The following PARD3B variants were observed in gnomAD, a reference collection of about 807,000 sequenced individuals.
PARD3B encodes the protein par-3 family cell polarity regulator beta.
In PARD3B, 103 loss-of-function variants were observed where a neutral mutation model predicts 130.2. The observed-to-expected ratio is 0.79, with a 90% confidence interval of 0.67 to 0.93. PARD3B has a LOEUF of 0.93. Among genes scored for constraint, PARD3B ranks in the 40% least tolerant of loss-of-function variants. PARD3B has a pLI of 0.00. For synonymous variants in PARD3B, 583 were observed against 553.2 expected, an observed-to-expected ratio of 1.05 and a Z score of -0.76; for missense variants, 1,609 against 1,499.2, an observed-to-expected ratio of 1.07 and a Z score of -1.21.
intron 20 of PARD3B, among the ~76,000 whole-genome samples, chr2:205,476,785 C>G (rs2106275070): frequency 6.6e-6 from 1 of 152,272 alleles, no homozygotes; most frequent in African/African-American, 2.4e-5. Context: ...GTGTTAATCA[C>G]TTATTAACAG....
chr2:205,300,890 C>T lies in PARD3B; in HGVS notation c.2392+154C>T, dbSNP rs1389832501. 6.6e-6 allele frequency among the ~76,000 whole-genome samples: 1 copy of T among 152,134 alleles called. No homozygotes were observed. The highest frequency in any genetic ancestry group is 6.5e-5 in the Admixed American group (1 of 15,270). ...TAATTCATTTTCCTGATATGTTTTG[C>T]CCTTTGGCTTAATGAACATGGAATT... On this transcript the variant is annotated intron_variant, in intron 17 of 22. Coordinates refer to ENST00000406610, the MANE Select transcript of PARD3B (RefSeq NM_001302769.2). The surrounding 1 kb of genome is among the most constrained non-coding windows in gnomAD (Gnocchi z 4.1).
chr2:205,278,684 A>G (rs533750410), intron 16 of PARD3B, among the ~76,000 whole-genome samples: 1 of 152,294 alleles, frequency 6.6e-6, no homozygotes, highest in South Asian at 2.1e-4. Flanking sequence ...GTCTTCCATA[A>G]TAGAATGAAA....
intron 20 of PARD3B, among the ~76,000 whole-genome samples, chr2:205,483,971 C>A (rs1347228846): frequency 2.0e-5 from 3 of 152,064 alleles, no homozygotes; most frequent in African/African-American, 7.2e-5. Flanking sequence ...TCCACATGTT[C>A]CTCGCCTGTA....
chr2:205,110,737 C>G (rs1016246080), intron 5 of PARD3B, among the ~76,000 whole-genome samples: 1 of 150,386 alleles, frequency 6.6e-6, no homozygotes, highest in Admixed American at 6.7e-5. Context: ...AACCAACCTT[C>G]TAGCTTATTT....
chr2:205,099,677 A>C (rs1702619011), intron 4 of PARD3B, among the ~76,000 whole-genome samples: 1 of 152,156 alleles, frequency 6.6e-6, no homozygotes, highest in African/African-American at 2.4e-5. Flanking sequence ...AGTGTTGCTG[A>C]AGTCAATTTG....
intron 2 of PARD3B, among the ~76,000 whole-genome samples, chr2:204,782,091 G>A (rs964112197): frequency 5.9e-5 from 9 of 152,068 alleles, no homozygotes; most frequent in Non-Finnish European, 1.3e-4. Context: ...TCTGTGAGCT[G>A]AGAGCGTGTT....
rs1328954916 is a variant in PARD3B at position 204,887,182 on chromosome 2, T to G, written c.223-77970T>G. On this transcript the variant is annotated intron_variant, in intron 2 of 22. Coordinates refer to ENST00000406610, the MANE Select transcript of PARD3B (RefSeq NM_001302769.2). This position sits in a 1 kb window ranked among gnomAD's most constrained non-coding sequence, Gnocchi z 4.2. ...ATGAATGGTAATGGGATTATATTAC[T>G]GTAATTCATTTATTAAAGGAGTATT... is the stretch of plus-strand genomic sequence containing the variant. Among the ~76,000 whole-genome samples, 3 of 152,226 alleles carry G rather than the reference T, an allele frequency of 2.0e-5. No individual in the cohort carries two copies. The highest frequency in any genetic ancestry group is 7.2e-5 in the African/African-American group (3 of 41,452).
Position 205,106,168 on chromosome 2 carries a change from A to T in PARD3B, c.593+1654A>T, listed in dbSNP as rs142131396. ...TTATTTATTTTATTTTTATTTTGAG[A>T]TGGAGTTTTGCTCTTGTTACCCAGG... On this transcript the variant is annotated intron_variant, in intron 5 of 22. Coordinates refer to ENST00000406610, the MANE Select transcript of PARD3B (RefSeq NM_001302769.2). Among the ~76,000 whole-genome samples, 649 of 151,900 alleles carry T rather than the reference A, an allele frequency of 4.3e-3. 7 individuals carry two copies. Among genetic ancestry groups the T allele is most frequent in the African/African-American group, 0.015 (624 of 41,458 alleles).
chr2:204,588,447 A>G (rs79380120), intron 1 of PARD3B, among the ~76,000 whole-genome samples: 4,456 of 152,264 alleles, frequency 0.029, 99 homozygotes, highest in Admixed American at 0.056. Flanking sequence ...TTAATGCTGG[A>G]TTTTTACCTT....
At chr2:205,234,510 A>G (rs1363466160) in intron 15 of PARD3B, among the ~76,000 whole-genome samples, 1 of 152,216 alleles carries the variant, frequency 6.6e-6, no homozygotes, top group African/African-American at 2.4e-5. Context: ...CTAAATGCTT[A>G]TGCACCTAAT....
rs2053254363 is a variant in PARD3B at position 205,564,592 on chromosome 2, T to C, written c.3260+11189T>C. Among the ~76,000 whole-genome samples, 1 of 152,160 alleles carries C rather than the reference T, an allele frequency of 6.6e-6. No individual in the cohort carries two copies. Among genetic ancestry groups the C allele is most frequent in the East Asian group, 1.9e-4 (1 of 5,186 alleles). On this transcript the variant is annotated intron_variant, in intron 22 of 22. Coordinates refer to ENST00000406610, the MANE Select transcript of PARD3B (RefSeq NM_001302769.2). This position sits in a 1 kb window ranked among gnomAD's most constrained non-coding sequence, Gnocchi z 4.6. ...CTGGCACATCCTTAGGGGACATGGC[T>C]GAGACGCAAATGCCAGACAACTGCG...
At chr2:204,740,333 T>C (rs2039955989) in intron 2 of PARD3B, among the ~76,000 whole-genome samples, 1 of 152,228 alleles carries the variant, frequency 6.6e-6, no homozygotes, top group African/African-American at 2.4e-5. Flanking sequence ...ACTTTAATTC[T>C]TTACATCTTC....
chr2:205,433,000 A>G (rs1036143391), intron 19 of PARD3B, among the ~76,000 whole-genome samples: 1 of 152,194 alleles, frequency 6.6e-6, no homozygotes, highest in Non-Finnish European at 1.5e-5. Flanking sequence ...TTCATCATTC[A>G]AAAAATTTTG....
chr2:205,533,201 A>C (rs1230731375), intron 21 of PARD3B, among the ~76,000 whole-genome samples: 1 of 125,404 alleles, frequency 8.0e-6, no homozygotes, highest in Non-Finnish European at 1.9e-5. Context: ...TGAATTTATA[A>C]ATTTTAATTT....
Position 204,634,154 on chromosome 2 carries a change from A to G in PARD3B, c.121-52027A>G, listed in dbSNP as rs2034790291. 2.0e-5 allele frequency among the ~76,000 whole-genome samples: 3 copies of G among 152,128 alleles called. No homozygotes were observed. The South Asian group carries it at 6.2e-4, about 32-fold the overall frequency. On this transcript the variant is annotated intron_variant, in intron 1 of 22. Transcript: ENST00000406610. Reference sequence around the variant, plus strand: ...GCCCTAGCTCCCCATTATCCTTCCAAGCCTCTAGTAACCATCCTTCTATTC... The same window carrying G: ...GCCCTAGCTCCCCATTATCCTTCCAGGCCTCTAGTAACCATCCTTCTATTC...
At chr2:204,764,734 G>GTGTGTGTGTGTT (rs1463369729) in intron 2 of PARD3B, among the ~76,000 whole-genome samples, 3 of 151,772 alleles carry the variant, frequency 2.0e-5, no homozygotes, top group Admixed American at 1.3e-4. Context: ...GTGTGTGTGT[G>GTGTGTGTGTGTT]TGTGTGTGTA....
At chr2:204,951,354 G>A (rs1248435916) in intron 2 of PARD3B, among the ~76,000 whole-genome samples, 1 of 148,192 alleles carries the variant, frequency 6.7e-6, no homozygotes, top group Admixed American at 6.7e-5. Context: ...TCTGTTACTG[G>A]GACTTCAGGT....
intron 20 of PARD3B, among the ~76,000 whole-genome samples, chr2:205,486,107 T>C (rs1289713022): frequency 6.6e-6 from 1 of 152,214 alleles, no homozygotes; most frequent in Non-Finnish European, 1.5e-5. Context: ...CAGAAATTTT[T>C]CAGAGGGTTA....
At position 205,253,635 on chromosome 2, in the gene PARD3B, C is replaced by T. The variant is rs1273672599; in HGVS notation, c.2185+7813C>T. ...CCTTGGGGTTCCATTACCCACACTC[C>T]AAGGTGGAAATCTTTCAGATGGTTA... On this transcript the variant is annotated intron_variant, in intron 16 of 22. Transcript: ENST00000406610. The surrounding 1 kb of genome is among the most constrained non-coding windows in gnomAD (Gnocchi z 4.4). The T allele has an allele frequency of 1.1e-5, 4 of 365,108 alleles. No homozygotes were observed. Among genetic ancestry groups the T allele is most frequent in the African/African-American group, 6.4e-5 (3 of 46,966 alleles). 22.6% of individuals were successfully genotyped at this position (365,108 alleles called of 1,614,324 possible).
Sources: gnomAD v4.1 joint callset for allele counts (sites outside exome capture counted in the v4.1 genomes callset) on GRCh38, gnomAD v4.1.1 for gene constraint, Gnocchi (gnomAD v3.1) non-coding constraint, MANE v1.5 for transcripts, NCBI Gene and HGNC (gene_info 2026-07-23, HGNC 2026-07-21) for gene names.